HEPHL1: variants seen among roughly 807,000 people sequenced by gnomAD.
The protein encoded by HEPHL1 is ferroxidase HEPHL1.
HEPHL1 carries 123 observed loss-of-function variants against 122.0 expected under a neutral mutation model. The observed-to-expected ratio is 1.01, with a 90% confidence interval of 0.87 to 1.17. The LOEUF (loss-of-function observed/expected upper bound fraction) is 1.17, where lower values mean the gene tolerates loss of function less well. Ranked by LOEUF, HEPHL1 falls within the 50% of genes most tolerant of loss-of-function variation. The pLI is 0.00. For synonymous variants in HEPHL1, 527 were observed against 508.9 expected (o/e 1.04, Z -0.48); for missense variants, 1,452 against 1,430.5 (o/e 1.01, Z -0.24).
At chr11:94,051,865 A>G (rs2134419510) in intron 2 of HEPHL1, among the ~76,000 whole-genome samples, 1 of 152,246 alleles carries the variant, frequency 6.6e-6, no homozygotes, top group South Asian at 2.1e-4. Flanking sequence ...ATGGGTATCC[A>G]GTTTTCCCAG....
At chr11:94,080,031 C>A (rs1029335664) in intron 9 of HEPHL1, among the ~76,000 whole-genome samples, 1 of 152,174 alleles carries the variant, frequency 6.6e-6, no homozygotes, top group African/African-American at 2.4e-5. Flanking sequence ...CATCATACTA[C>A]CCGACTTCAA....
At chr11:94,056,668 T>TCTAG (rs1565350736) in intron 2 of HEPHL1, among the ~76,000 whole-genome samples, 1 of 151,236 alleles carries the variant, frequency 6.6e-6, no homozygotes, top group Non-Finnish European at 1.5e-5. Flanking sequence ...TATCTATCTA[T>TCTAG]CTATCTATCT....
Position 94,038,166 on chromosome 11 carries a change from G to A in HEPHL1, c.171-7507G>A, listed in dbSNP as rs1326730862. 3.3e-5 allele frequency among the ~76,000 whole-genome samples: 5 copies of A among 151,006 alleles called. No individual in the cohort carries two copies. In the East Asian group the frequency reaches 9.8e-4, roughly 30 times the overall value. On this transcript the variant is annotated intron_variant, in intron 1 of 19. Transcript: ENST00000315765. ...GAAATGAAGTGAGAAGGGAAGTTTA[G>A]AGAAAAAAGAATAAAAAGAAATGAG...
intron 1 of HEPHL1, among the ~76,000 whole-genome samples, chr11:94,043,952 G>T (rs1389393562): frequency 6.6e-6 from 1 of 151,944 alleles, no homozygotes; most frequent in African/African-American, 2.4e-5. Context: ...AACTGAGAGA[G>T]AATAAATGCA....
chr11:94,073,850 A>G (rs994389392), intron 8 of HEPHL1, among the ~76,000 whole-genome samples: 2 of 152,152 alleles, frequency 1.3e-5, no homozygotes, highest in African/African-American at 4.8e-5. Context: ...GTTTGTTGAC[A>G]TCGAAATCTT....
intron 9 of HEPHL1, among the ~76,000 whole-genome samples, chr11:94,081,336 A>T (rs1048699257): frequency 1.3e-5 from 2 of 152,176 alleles, no homozygotes; most frequent in African/African-American, 4.8e-5. Flanking sequence ...TAAATAGCTA[A>T]TGCATGCTGT....
intron 2 of HEPHL1, among the ~76,000 whole-genome samples, chr11:94,058,834 C>T (rs1429317413): frequency 6.6e-6 from 1 of 152,040 alleles, no homozygotes; most frequent in East Asian, 1.9e-4. Context: ...TCAAAGTGCT[C>T]ATATTACAAG....
In HEPHL1 at chr11:94,113,514, A is replaced by C. The variant is rs1946468320; in HGVS notation, c.*1620A>C. 6.6e-6 allele frequency: 1 copy of C among 152,236 alleles called. No homozygotes were observed. Among genetic ancestry groups the C allele is most frequent in the African/African-American group, 2.4e-5 (1 of 41,466 alleles). 9.4% of individuals were successfully genotyped at this position (152,236 alleles called of 1,614,324 possible). A position where few individuals can be genotyped will look rare whatever the true frequency, so the allele number is the denominator to read the frequency against. ...CAAACAGCATACACAAAAGATTTTG[A>C]ATTTCAATCTGCTAACCATTGACAA... On this transcript the variant is annotated 3_prime_UTR_variant, in exon 20 of 20. Coordinates refer to ENST00000315765, the MANE Select transcript of HEPHL1 (RefSeq NM_001098672.2).
chr11:94,046,091 C>CTTTTTTTGTTTTTTTTTTT (rs1945834385), intron 2 of HEPHL1, among the ~76,000 whole-genome samples, 174 bp downstream of exon 2: 3 of 65,048 alleles, frequency 4.6e-5, no homozygotes, highest in Admixed American at 3.0e-4. Flanking sequence ...CCCTTTCTTG[C>CTTTTTTTGTTTTTTTTTTT]TTTTTTTTTT....
chr11:94,088,957 A>T lies in HEPHL1; in HGVS notation c.2283A>T (p.Ala761=). 1 of 1,613,966 alleles carries T rather than the reference A, an allele frequency of 6.2e-7. No individual in the cohort carries two copies. Among genetic ancestry groups the T allele is most frequent in the Non-Finnish European group, 8.5e-7 (1 of 1,179,862 alleles). Residue 761 remains alanine (A), a synonymous_variant, in exon 12 of 20, where the codon GCA becomes GCT. Coordinates refer to ENST00000315765, the MANE Select transcript of HEPHL1 (RefSeq NM_001098672.2). ...AGTTCGAAAAGCAGCACGTGGACGCAAGAGGGGAAAGGTACCACAGGCGCC... is the reference window on the plus strand; with the variant it reads ...AGTTCGAAAAGCAGCACGTGGACGCTAGAGGGGAAAGGTACCACAGGCGCC... ...NWEFEKQHVD[A]RGERHGDIFM...
intron 1 of HEPHL1, among the ~76,000 whole-genome samples, chr11:94,024,862 T>C (rs1945610876): frequency 6.6e-6 from 1 of 152,172 alleles, no homozygotes; most frequent in Non-Finnish European, 1.5e-5. Context: ...AACTTTGTCA[T>C]TGACAATATC....
At chr11:94,087,552 TATTATTATTATC>T in intron 11 of HEPHL1, among the ~76,000 whole-genome samples, 1 of 152,210 alleles carries the variant, frequency 6.6e-6, no homozygotes. Flanking sequence ...CATGTTCTTC[TATTATTATTATC>T]ATTATTATTA....
rs774885623 is a variant in HEPHL1 at position 94,067,501 on chromosome 11, A to G, written c.814A>G (p.Asn272Asp). 3.1e-6 allele frequency: 5 copies of G among 1,613,178 alleles called. No homozygotes were observed. In the South Asian group the frequency reaches 5.5e-5, roughly 18 times the overall value. The change falls in exon 5 of 20, where the codon AAT becomes GAT. Residue 272 changes from asparagine to aspartate, a missense_variant. Physicochemically the swap from Asn to Asp is conservative, Grantham distance 23. Transcript: ENST00000315765. ...FQRSNKMHAL[N>D]GYLFGNFPEP... is the part of the protein sequence containing the mutation. Reference sequence around the variant, plus strand: ...TAGCGTGTTTCTGTTTCCAGCCCTCAATGGATACCTCTTCGGAAACTTCCC... The same window carrying G: ...TAGCGTGTTTCTGTTTCCAGCCCTCGATGGATACCTCTTCGGAAACTTCCC...
intron 2 of HEPHL1, among the ~76,000 whole-genome samples, chr11:94,056,691 A>ATCTT (rs1453404806): frequency 6.6e-6 from 1 of 151,786 alleles, no homozygotes; most frequent in African/African-American, 2.4e-5. Context: ...CTATCTATCT[A>ATCTT]TCTATCTATC....
chr11:94,093,442 A>G, intron 12 of HEPHL1, 59 bp from the exon 13 acceptor site: 1 of 1,597,330 alleles, frequency 6.3e-7, no homozygotes, highest in Non-Finnish European at 8.6e-7. Flanking sequence ...ATCACTTAGA[A>G]GCGCTCAAAG....
intron 5 of HEPHL1, among the ~76,000 whole-genome samples, chr11:94,068,340 A>G (rs1946050698): frequency 6.6e-6 from 1 of 152,156 alleles, no homozygotes; most frequent in African/African-American, 2.4e-5. Flanking sequence ...ATCTCTTGTG[A>G]GTAGTTATAG....
At chr11:94,035,046 T>G (rs1284965871) in intron 1 of HEPHL1, among the ~76,000 whole-genome samples, 1 of 152,336 alleles carries the variant, frequency 6.6e-6, no homozygotes, top group East Asian at 1.9e-4. Context: ...CAATTACATC[T>G]AAATGCCTTA....
At chr11:94,065,565 C>G (rs1224817103) in intron 4 of HEPHL1, among the ~76,000 whole-genome samples, 1 of 151,988 alleles carries the variant, frequency 6.6e-6, no homozygotes, top group Non-Finnish European at 1.5e-5. Flanking sequence ...TTTTGGCAAC[C>G]TTATGTGTAG....
At chr11:94,067,371 C>A in intron 4 of HEPHL1, 125 bp from the exon 5 acceptor site, 1 of 889,718 alleles carries the variant, frequency 1.1e-6, no homozygotes, top group South Asian at 1.7e-5. Flanking sequence ...TTTTTCTGCA[C>A]CAAAACCTTA....
Sources: allele counts gnomAD v4.1 joint callset (sites outside exome capture counted in the v4.1 genomes callset), GRCh38; gene constraint gnomAD v4.1.1; transcripts MANE v1.5; gene names NCBI Gene and HGNC (gene_info 2026-07-23, HGNC 2026-07-21).